IAH1: variants seen among roughly 807,000 people sequenced by gnomAD.
The protein encoded by IAH1 is isoamyl acetate hydrolyzing esterase 1 (putative).
IAH1 carries 24 observed loss-of-function variants against 26.7 expected under a neutral mutation model. The observed-to-expected ratio is 0.90, with a 90% CI of 0.65 to 1.26. IAH1 has a LOEUF of 1.26. Among genes scored for constraint, IAH1 ranks in the 50% most tolerant of loss-of-function variants. IAH1 has a pLI of 0.00. For synonymous variants in IAH1, 140 were observed against 118.5 expected (o/e 1.18, Z -1.18); for missense variants, 300 against 299.9 (o/e 1.00, Z 0.00).
downstream of IAH1, chr2:9,493,688 C>T: frequency 6.9e-7 from 1 of 1,455,674 alleles, no homozygotes; most frequent in Non-Finnish European, 9.6e-7. Context: ...GCACACTTTT[C>T]TAATGTCATC....
intron 1 of IAH1, 50 bp from the exon 2 acceptor site, chr2:9,475,937 G>A (rs1660751883): frequency 1.9e-6 from 3 of 1,542,908 alleles, no homozygotes; most frequent in Non-Finnish European, 2.7e-6. Context: ...CCCTCGCTGA[G>A]ATGCCCGGTT....
chr2:9,509,873 TC>T, the IAH1 span: 8 of 1,426,874 alleles, frequency 5.6e-6, no homozygotes, highest in Admixed American at 2.0e-5. Flanking sequence ...TGCACATCCA[TC>T]CCTAGGGAAA....
the IAH1 span, chr2:9,509,827 A>G: frequency 4.9e-6 from 5 of 1,021,350 alleles, no homozygotes; most frequent in Non-Finnish European, 7.1e-6. Context: ...GCTTCACCCC[A>G]AAACACACAA....
At chr2:9,474,041 G>A (rs1222071450), upstream of IAH1, 1 of 152,256 alleles carries the variant, frequency 6.6e-6, no homozygotes, top group Non-Finnish European at 1.5e-5. This position sits in a 1 kb window ranked among gnomAD's most constrained non-coding sequence, Gnocchi z 4.3. Context: ...GCGCACTGAA[G>A]GTGCAGCTGC....
intron 6 of IAH1, chr2:9,494,876 T>A: frequency 7.3e-7 from 1 of 1,372,770 alleles, no homozygotes; most frequent in Non-Finnish European, 9.9e-7. Flanking sequence ...AAATCACATT[T>A]ATTTTTTATT....
upstream of IAH1, chr2:9,474,515 CGCAGGCGCCTCTCGTG>C: frequency 8.2e-7 from 1 of 1,217,636 alleles, no homozygotes; most frequent in Non-Finnish European, 1.1e-6. The surrounding 1 kb of genome is among the most constrained non-coding windows in gnomAD (Gnocchi z 4.3). Context: ...GCGGCCACTG[CGCAGGCGCCTCTCGTG>C]GCTGGCGGCC....
At chr2:9,508,510 A>C in the IAH1 span, among the ~76,000 whole-genome samples, 5 of 152,232 alleles carry the variant, frequency 3.3e-5, no homozygotes, top group Non-Finnish European at 7.3e-5. Context: ...CAAGTGTTGA[A>C]ACCATTGCTA....
At chr2:9,475,802 AAATCCCCCTCTGCT>A in intron 1 of IAH1, 171 bp from the exon 2 acceptor site, 1 of 616,480 alleles carries the variant, frequency 1.6e-6, no homozygotes, top group East Asian at 2.8e-5. Context: ...TGATAGAGAA[AAATCCCCCTCTGCT>A]AAAGTGCTGC....
the IAH1 span, among the ~76,000 whole-genome samples, chr2:9,509,534 GCCTTTCTC>G: frequency 6.6e-6 from 1 of 152,270 alleles, no homozygotes; most frequent in South Asian, 2.1e-4. Flanking sequence ...ACAAGGAAGG[GCCTTTCTC>G]CCATGAGGCT....
intron 2 of IAH1, among the ~76,000 whole-genome samples, chr2:9,476,398 C>T (rs183392796): frequency 2.6e-5 from 4 of 152,326 alleles, no homozygotes; most frequent in Non-Finnish European, 5.9e-5. Context: ...TTTTGAAGTG[C>T]TGCCATGACT....
chr2:9,496,921 G>T (rs1253891695), downstream of IAH1, among the ~76,000 whole-genome samples: 1 of 152,158 alleles, frequency 6.6e-6, no homozygotes, highest in Non-Finnish European at 1.5e-5. Flanking sequence ...AACAGGATAG[G>T]TCTCCCAGGT....
downstream of IAH1, among the ~76,000 whole-genome samples, chr2:9,490,910 T>C (rs1662081339): frequency 6.6e-6 from 1 of 152,166 alleles, no homozygotes; most frequent in Non-Finnish European, 1.5e-5. Flanking sequence ...TCTTTAAATG[T>C]CCATCCATGC....
chr2:9,488,433 TTAA>T lies in IAH1; in HGVS notation c.*111_*113del, dbSNP rs1661763221. 2.4e-6 allele frequency: 2 copies of T among 818,434 alleles called. No individual in the cohort carries two copies. Among genetic ancestry groups the T allele is most frequent in the Non-Finnish European group, 3.7e-6 (2 of 540,328 alleles). 50.7% of individuals were successfully genotyped at this position (818,434 alleles called of 1,614,324 possible). Reference sequence around the variant, plus strand: ...CAGGCTTAAACCTTTGCCACTGATATTAATAATAAAAGTATTAGATGATTTTTC... The same window carrying T: ...CAGGCTTAAACCTTTGCCACTGATATTAATAAAAGTATTAGATGATTTTTC... On this transcript the variant is annotated 3_prime_UTR_variant, in exon 6 of 6. Transcript: ENST00000497473.
intron 2 of IAH1, among the ~76,000 whole-genome samples, chr2:9,477,295 T>G (rs925433716): frequency 3.3e-5 from 5 of 152,042 alleles, no homozygotes; most frequent in Non-Finnish European, 7.4e-5. Context: ...TGGTTATGCA[T>G]GTATGGGAAT....
intron 1 of IAH1, chr2:9,475,055 A>G (rs1433139170): frequency 1.9e-5 from 22 of 1,174,624 alleles, no homozygotes; most frequent in Non-Finnish European, 2.3e-5. Context: ...AGCTCCGGGC[A>G]GAGGCGCCAG....
intron 5 of IAH1, 38 bp from the exon 6 acceptor site, chr2:9,488,109 C>G (rs375853218): frequency 6.9e-7 from 1 of 1,455,796 alleles, no homozygotes; most frequent in African/African-American, 1.4e-5. Flanking sequence ...CCACACGTGG[C>G]CAGTTACCCA....
chr2:9,499,654 G>A (rs552309821), downstream of IAH1, among the ~76,000 whole-genome samples: 1 of 152,102 alleles, frequency 6.6e-6, no homozygotes, highest in African/African-American at 2.4e-5. Context: ...TGCCCACCTC[G>A]GCCTCCCAAA....
At chr2:9,491,805 A>C (rs1303501582), downstream of IAH1, among the ~76,000 whole-genome samples, 1 of 152,256 alleles carries the variant, frequency 6.6e-6, no homozygotes, top group Non-Finnish European at 1.5e-5. Flanking sequence ...TTCTATGACC[A>C]AAAACAAGCC....
At chr2:9,487,827 TGTGTGTGCGC>T (rs748189653) in intron 5 of IAH1, among the ~76,000 whole-genome samples, 260 of 97,234 alleles carry the variant, frequency 2.7e-3, no homozygotes, top group South Asian at 5.8e-3. Flanking sequence ...TGTGTGTGTG[TGTGTGTGCGC>T]GCGCGCGCGC....
Sources: allele counts gnomAD v4.1 joint callset (sites outside exome capture counted in the v4.1 genomes callset), GRCh38; gene constraint gnomAD v4.1.1; non-coding constraint Gnocchi (gnomAD v3.1); transcripts MANE v1.5; gene names NCBI Gene and HGNC (gene_info 2026-07-23, HGNC 2026-07-21).